ATP2B2: variants seen among roughly 807,000 people sequenced by gnomAD.
ATP2B2 encodes the protein ATPase plasma membrane Ca2+ transporting 2.
Under a neutral mutation model 120.0 loss-of-function variants are expected in ATP2B2, and 15 were observed. The observed-to-expected ratio is 0.12, with a 90% CI of 0.08 to 0.19. ATP2B2 has a LOEUF of 0.19. Among genes scored for constraint, ATP2B2 ranks in the 10% least tolerant of loss-of-function variants. The pLI is 1.00. For synonymous variants in ATP2B2, 694 were observed against 700.3 expected (o/e 0.99, Z 0.14); for missense variants, 1,045 against 1,719.8 (o/e 0.61, Z 6.94).
chr3:10,336,955 A>T (rs1380010282), intron 22 of ATP2B2, among the ~76,000 whole-genome samples: 2 of 152,130 alleles, frequency 1.3e-5, no homozygotes, highest in East Asian at 3.9e-4. Context: ...AGCACCAGGG[A>T]CATATTCACT....
At chr3:10,567,750 G>A (rs1416070709) in intron 2 of ATP2B2, among the ~76,000 whole-genome samples, 1 of 152,196 alleles carries the variant, frequency 6.6e-6, no homozygotes, top group Non-Finnish European at 1.5e-5. Context: ...TTGGCTTGAG[G>A]AATAGGATGT....
chr3:10,685,620 G>T (rs2071501121), intron 1 of ATP2B2, among the ~76,000 whole-genome samples: 1 of 152,202 alleles, frequency 6.6e-6, no homozygotes, highest in African/African-American at 2.4e-5. Context: ...ACTGTCCACT[G>T]GCCAAGCAAT....
chr3:10,582,921 C>T (rs1354966919), intron 2 of ATP2B2, among the ~76,000 whole-genome samples: 1 of 152,244 alleles, frequency 6.6e-6, no homozygotes, highest in African/African-American at 2.4e-5. Context: ...CAGTTCTGTC[C>T]TGGCACCGTG....
chr3:10,424,416 T>G (rs932534259), intron 2 of ATP2B2, among the ~76,000 whole-genome samples: 1 of 152,226 alleles, frequency 6.6e-6, no homozygotes, highest in Non-Finnish European at 1.5e-5. Context: ...TGAGACAGCC[T>G]TTTGCTATAA....
intron 2 of ATP2B2, among the ~76,000 whole-genome samples, chr3:10,421,829 A>G (rs1177154236): frequency 1.3e-5 from 2 of 152,220 alleles, no homozygotes; most frequent in African/African-American, 4.8e-5. Flanking sequence ...CTTCGAACCC[A>G]GGATGCCCAA....
intron 1 of ATP2B2, among the ~76,000 whole-genome samples, chr3:10,702,081 C>T (rs2125720603): frequency 6.6e-6 from 1 of 152,258 alleles, no homozygotes; most frequent in South Asian, 2.1e-4. Context: ...ATAGCAACAT[C>T]TTCATACCAG....
chr3:10,676,101 T>A (rs766136053), intron 1 of ATP2B2, among the ~76,000 whole-genome samples: 1 of 152,150 alleles, frequency 6.6e-6, no homozygotes, highest in African/African-American at 2.4e-5. Flanking sequence ...TTATGGTGCA[T>A]TGAACACTTA....
At chr3:10,673,148 G>A (rs1350785095) in intron 1 of ATP2B2, among the ~76,000 whole-genome samples, 1 of 152,176 alleles carries the variant, frequency 6.6e-6, no homozygotes, top group East Asian at 1.9e-4. Context: ...GAACCCAAGG[G>A]CCTTCCCATC....
intron 2 of ATP2B2, among the ~76,000 whole-genome samples, chr3:10,448,401 T>G (rs187958879): frequency 6.6e-6 from 1 of 152,284 alleles, no homozygotes; most frequent in East Asian, 1.9e-4. Flanking sequence ...CTCACACACA[T>G]GCCTGTAGGG....
At chr3:10,529,256 C>T (rs550083987) in intron 3 of ATP2B2, among the ~76,000 whole-genome samples, 21 of 152,350 alleles carry the variant, frequency 1.4e-4, no homozygotes, top group East Asian at 3.9e-4. Flanking sequence ...CTTTCTCTCA[C>T]GCTTTGAAGA....
At chr3:10,391,481 T>C (rs185332402) in intron 5 of ATP2B2, among the ~76,000 whole-genome samples, 1 of 152,128 alleles carries the variant, frequency 6.6e-6, no homozygotes. Flanking sequence ...GGGGCCAATT[T>C]CCACCCACGA....
At chr3:10,524,455 T>C (rs556225891) in intron 3 of ATP2B2, among the ~76,000 whole-genome samples, 9 of 152,266 alleles carry the variant, frequency 5.9e-5, no homozygotes, top group African/African-American at 2.2e-4. Context: ...CAAAGTCACA[T>C]GACCGGTAAG....
chr3:10,509,841 A>G (rs1055658788), upstream of ATP2B2, among the ~76,000 whole-genome samples: 1 of 151,986 alleles, frequency 6.6e-6, no homozygotes, highest in Admixed American at 6.6e-5. Context: ...CCTGGGTCCA[A>G]CTCCCAGCTC....
chr3:10,479,360 T>C (rs1235611390), intron 1 of ATP2B2, among the ~76,000 whole-genome samples: 1 of 151,782 alleles, frequency 6.6e-6, no homozygotes, highest in Non-Finnish European at 1.5e-5. Context: ...GTCTGTTCTG[T>C]TCCTTCTGCC....
At chr3:10,486,320 C>CGTGCGTGT (rs1553616035) in intron 1 of ATP2B2, among the ~76,000 whole-genome samples, 1,182 of 115,570 alleles carry the variant, frequency 0.01, 8 homozygotes, top group East Asian at 0.034. Context: ...GGTGTGTGTG[C>CGTGCGTGT]GTGCGTGTGT....
At chr3:10,546,218 A>T (rs903771025) in intron 2 of ATP2B2, among the ~76,000 whole-genome samples, 20 of 152,134 alleles carry the variant, frequency 1.3e-4, no homozygotes, top group Admixed American at 3.9e-4. Flanking sequence ...AGCCTCCCCA[A>T]CTGCCCCCTG....
At chr3:10,701,413 C>T (rs891430565) in intron 1 of ATP2B2, among the ~76,000 whole-genome samples, 5 of 152,160 alleles carry the variant, frequency 3.3e-5, no homozygotes, top group African/African-American at 4.8e-5. Flanking sequence ...AAGTTAATCA[C>T]GAGTTGACAG....
intron 1 of ATP2B2, among the ~76,000 whole-genome samples, chr3:10,493,423 C>A (rs533678506): frequency 2.6e-4 from 40 of 151,592 alleles, no homozygotes; most frequent in Non-Finnish European, 3.7e-4. Flanking sequence ...GTTTGAGGTA[C>A]AGAAAGAAGG....
intron 16 of ATP2B2, 46 bp downstream of exon 16, chr3:10,350,066 G>T: frequency 6.3e-7 from 1 of 1,588,614 alleles, no homozygotes; most frequent in Non-Finnish European, 8.6e-7. Flanking sequence ...CCAGCTTCTG[G>T]CCTGGTGCTG....
Sources: gnomAD v4.1 joint callset for allele counts (sites outside exome capture counted in the v4.1 genomes callset) on GRCh38, gnomAD v4.1.1 for gene constraint, MANE v1.5 for transcripts, NCBI Gene and HGNC (gene_info 2026-07-23, HGNC 2026-07-21) for gene names.